The following ESRP1 variants were observed in gnomAD, a reference collection of about 807,000 sequenced individuals.
The protein encoded by ESRP1 is epithelial splicing regulatory protein 1.
Under a neutral mutation model 81.7 loss-of-function variants are expected in ESRP1, and 33 were observed. The ratio of observed to expected loss-of-function variants is 0.40; its 90% CI spans 0.31 to 0.54. The LOEUF is 0.54. ESRP1 is among the 20% of genes least tolerant of loss of function. ESRP1 has a pLI of 0.41. For synonymous variants in ESRP1, 320 were observed against 303.3 expected (o/e 1.06, Z -0.57); for missense variants, 672 against 833.1 (o/e 0.81, Z 2.38).
chr8:94,659,118 T>C (rs1818585610), intron 4 of ESRP1, among the ~76,000 whole-genome samples: 1 of 152,122 alleles, frequency 6.6e-6, no homozygotes, highest in African/African-American at 2.4e-5. Flanking sequence ...TGGGTTCAAA[T>C]GATCCTCCCA....
chr8:94,692,740 T>A lies in ESRP1; in HGVS notation c.1884T>A (p.Pro628=). The change falls in exon 14 of 16, where the codon CCT becomes CCA. Residue 628 remains proline, a synonymous_variant. Transcript: ENST00000433389. ...CAGCTGCTAATCTTAGCGGTGTCCCTCCACAGCCTGGCACGGTGGTCAGAA... is the reference window on the plus strand; with the variant it reads ...CAGCTGCTAATCTTAGCGGTGTCCCACCACAGCCTGGCACGGTGGTCAGAA... ...FPTAANLSGV[P]PQPGTVVRMQ... 6.2e-7 allele frequency: 1 copy of A among 1,613,984 alleles called. No homozygotes were observed. The highest frequency in any genetic ancestry group is 8.5e-7 in the Non-Finnish European group (1 of 1,179,878).
intron 12 of ESRP1, among the ~76,000 whole-genome samples, chr8:94,675,884 C>A (rs1819563595): frequency 6.6e-6 from 1 of 152,192 alleles, no homozygotes; most frequent in Non-Finnish European, 1.5e-5. Context: ...AATCTCAGCA[C>A]TTTGGGAGGC....
intron 14 of ESRP1, among the ~76,000 whole-genome samples, chr8:94,694,647 C>G (rs1243609615): frequency 1.3e-5 from 2 of 152,162 alleles, no homozygotes; most frequent in Non-Finnish European, 2.9e-5. Context: ...TTTATTTTAC[C>G]ACAACCATGC....
At chr8:94,676,026 T>C (rs368494101) in intron 12 of ESRP1, among the ~76,000 whole-genome samples, 87 of 152,328 alleles carry the variant, frequency 5.7e-4, no homozygotes, top group Non-Finnish European at 2.4e-4. Context: ...GAATGTTTTA[T>C]GGTTAACTTC....
intron 4 of ESRP1, among the ~76,000 whole-genome samples, chr8:94,652,402 A>T (rs1008577781): frequency 1.2e-4 from 18 of 151,682 alleles, no homozygotes; most frequent in African/African-American, 4.4e-4. Flanking sequence ...GGTAAACTGG[A>T]TTGCATGTTG....
Position 94,706,362 on chromosome 8 carries a change from T to G in ESRP1, c.*473T>G, listed in dbSNP as rs945934355. On this transcript the variant is annotated 3_prime_UTR_variant, in exon 16 of 16. Transcript: ENST00000433389. ...TGTCTTCTGCATAATCATGCCTTCT[T>G]GCTAAGTAATTCAAGCATAAGATCT... 6.3e-6 allele frequency: 1 copy of G among 158,646 alleles called. No individual in the cohort carries two copies. The highest frequency in any genetic ancestry group is 2.4e-5 in the African/African-American group (1 of 41,704). The allele number at this position is 158,646 out of a possible 1,614,324, so 9.8% of individuals were successfully genotyped here.
At chr8:94,701,650 G>A (rs1319286015) in intron 15 of ESRP1, among the ~76,000 whole-genome samples, 1 of 146,326 alleles carries the variant, frequency 6.8e-6, no homozygotes, top group Non-Finnish European at 1.5e-5. Flanking sequence ...TCACTATGTT[G>A]CCCCAGTCTG....
chr8:94,657,705 G>T (rs1343473506), intron 4 of ESRP1, among the ~76,000 whole-genome samples: 1 of 152,196 alleles, frequency 6.6e-6, no homozygotes, highest in African/African-American at 2.4e-5. Context: ...TCATTAAAAT[G>T]ATTCTTCAGC....
intron 13 of ESRP1, among the ~76,000 whole-genome samples, chr8:94,679,404 C>T (rs1412200604): frequency 2.6e-5 from 4 of 152,150 alleles, no homozygotes. Flanking sequence ...CTCTCTGGAC[C>T]CTGTGATAAT....
At chr8:94,675,368 G>T (rs1563535933) in intron 12 of ESRP1, among the ~76,000 whole-genome samples, 2 of 152,180 alleles carry the variant, frequency 1.3e-5, no homozygotes, top group East Asian at 3.8e-4. Flanking sequence ...TAAAGCGGGG[G>T]ATTTGGGCAC....
chr8:94,658,618 G>A (rs1033748832), intron 4 of ESRP1, among the ~76,000 whole-genome samples: 2 of 152,158 alleles, frequency 1.3e-5, no homozygotes, highest in African/African-American at 4.8e-5. Flanking sequence ...ATTAATAGAT[G>A]AGAGGAAAGC....
At chr8:94,696,982 A>T (rs1809631956) in intron 15 of ESRP1, 21 bp downstream of exon 15, 1 of 1,490,030 alleles carries the variant, frequency 6.7e-7, no homozygotes, top group African/African-American at 1.4e-5. Flanking sequence ...ATGATGTGCA[A>T]GTTAAATTAT....
At chr8:94,651,010 T>G (rs1818098503) in intron 4 of ESRP1, among the ~76,000 whole-genome samples, 1 of 152,104 alleles carries the variant, frequency 6.6e-6, no homozygotes, top group South Asian at 2.1e-4. Context: ...TAGCCTAGGT[T>G]TTTTATTTAT....
chr8:94,662,328 G>C lies in ESRP1; in HGVS notation c.547G>C (p.Asp183His), dbSNP rs751498133. 3 of 1,585,888 alleles carry C rather than the reference G, an allele frequency of 1.9e-6. No individual in the cohort carries two copies. The South Asian group carries it at 3.5e-5, about 18-fold the overall frequency. Residue 183 changes from aspartate to histidine, a missense_variant, in exon 5 of 16, where the codon GAT becomes CAT. Asp to His is a moderately conservative substitution (Grantham distance 81, BLOSUM62 -1). Transcript: ENST00000433389. Reference sequence around the variant, plus strand: ...TCGATATGGAGCCTCTCAAGTTGAAGATATGGGGAATATAATTTTAGCAAT... The same window carrying C: ...TCGATATGGAGCCTCTCAAGTTGAACATATGGGGAATATAATTTTAGCAAT... Reference protein sequence around the residue: ...VSRYGASQVEDMGNIILAMIS... With the variant: ...VSRYGASQVEHMGNIILAMIS...
intron 12 of ESRP1, among the ~76,000 whole-genome samples, chr8:94,675,103 C>T (rs982461807): frequency 2.0e-5 from 3 of 152,206 alleles, no homozygotes; most frequent in Non-Finnish European, 4.4e-5. Context: ...TTAAGCCATG[C>T]TCTCGCTCAT....
chr8:94,642,079 C>G lies in ESRP1; in HGVS notation c.256C>G (p.Arg86Gly). 1 of 1,611,250 alleles carries G rather than the reference C, an allele frequency of 6.2e-7. No individual in the cohort carries two copies. Among genetic ancestry groups the G allele is most frequent in the Non-Finnish European group, 8.5e-7 (1 of 1,179,686 alleles). The change falls in exon 2 of 16, where the codon CGA becomes GGA. Residue 86 changes from arginine (R) to glycine (G), a missense_variant. Arg to Gly is a moderately radical substitution (Grantham distance 125). Coordinates refer to ENST00000433389, the MANE Select transcript of ESRP1 (RefSeq NM_017697.4). ...GGCGTCGCAGCTGGACCAAGCCCTC[C>G]GACAGGTGACAACCCCGGGTCACGC... Reference protein sequence around the residue: ...SSASQLDQALRQFNQSVSNEL... With the variant: ...SSASQLDQALGQFNQSVSNEL...
intron 13 of ESRP1, among the ~76,000 whole-genome samples, chr8:94,682,933 T>TATATA (rs1491122070): frequency 1.6e-3 from 27 of 16,908 alleles, no homozygotes; most frequent in Non-Finnish European, 2.0e-3. Context: ...TATATATATA[T>TATATA]TTTTTTTTTT....
chr8:94,698,529 G>A (rs1038248251), intron 15 of ESRP1, among the ~76,000 whole-genome samples: 1 of 152,198 alleles, frequency 6.6e-6, no homozygotes, highest in African/African-American at 2.4e-5. Context: ...TTTGAAAATA[G>A]TCTTCCAGAT....
chr8:94,673,663 C>A (rs1819445172), intron 11 of ESRP1, among the ~76,000 whole-genome samples: 2 of 152,228 alleles, frequency 1.3e-5, no homozygotes, highest in South Asian at 4.1e-4. Context: ...TTAGTAATAC[C>A]TGTTTGACCA....
Sources: allele counts gnomAD v4.1 joint callset (sites outside exome capture counted in the v4.1 genomes callset), GRCh38; gene constraint gnomAD v4.1.1; transcripts MANE v1.5; gene names NCBI Gene and HGNC (gene_info 2026-07-23, HGNC 2026-07-21).